Variants in SNTG1 observed in about 807,000 individuals in gnomAD.
SNTG1 encodes the protein gamma-1-syntrophin.
In SNTG1, 39 loss-of-function variants were observed where a neutral mutation model predicts 74.7. That is an observed-to-expected ratio of 0.52 (90% confidence interval 0.40 to 0.68). The LOEUF (loss-of-function observed/expected upper bound fraction) is 0.68, where lower values mean the gene tolerates loss of function less well. SNTG1 is among the 30% of genes least tolerant of loss of function. The pLI, the probability that SNTG1 is intolerant of heterozygous loss-of-function variation, is 0.00. For synonymous variants in SNTG1, 254 were observed against 217.1 expected, an observed-to-expected ratio of 1.17 and a Z score of -1.49; for missense variants, 685 against 609.5, an observed-to-expected ratio of 1.12 and a Z score of -1.30.
At chr8:50,509,909 T>A (rs977782635) in intron 9 of SNTG1, among the ~76,000 whole-genome samples, 1 of 152,166 alleles carries the variant, frequency 6.6e-6, no homozygotes, top group African/African-American at 2.4e-5. Flanking sequence ...ACCCTTTATT[T>A]CCTTCTCCTG....
intron 2 of SNTG1, among the ~76,000 whole-genome samples, chr8:50,319,689 A>G (rs1028132740): frequency 2.6e-5 from 4 of 152,206 alleles, no homozygotes; most frequent in African/African-American, 4.8e-5. Context: ...CCCATTCAGT[A>G]TGATACCATC....
intron 12 of SNTG1, among the ~76,000 whole-genome samples, chr8:50,574,865 T>C (rs1319807297): frequency 6.6e-6 from 1 of 152,232 alleles, no homozygotes; most frequent in African/African-American, 2.4e-5. Context: ...TTTATTCTCA[T>C]GAACCTAGCT....
chr8:50,384,509 A>G (rs2131252942), intron 2 of SNTG1, among the ~76,000 whole-genome samples: 1 of 152,298 alleles, frequency 6.6e-6, no homozygotes, highest in Admixed American at 6.5e-5. Context: ...GCCCAATACA[A>G]TAAACCTGCC....
chr8:50,758,574 T>C (rs898100940), intron 18 of SNTG1, among the ~76,000 whole-genome samples: 1 of 152,090 alleles, frequency 6.6e-6, no homozygotes, highest in African/African-American at 2.4e-5. Context: ...CATGTGGTGT[T>C]TGGTTTTCTG....
At chr8:50,282,577 A>G (rs1436224564) in intron 2 of SNTG1, among the ~76,000 whole-genome samples, 4 of 145,762 alleles carry the variant, frequency 2.7e-5, no homozygotes, top group Non-Finnish European at 4.5e-5. Flanking sequence ...TATTTCCTTA[A>G]AACTGTCTGC....
intron 2 of SNTG1, among the ~76,000 whole-genome samples, chr8:50,388,364 G>A (rs1180439903): frequency 2.6e-5 from 4 of 152,106 alleles, no homozygotes; most frequent in Non-Finnish European, 4.4e-5. Context: ...GTGATATTGT[G>A]TGTATCTCTA....
chr8:50,177,018 A>G (rs1323560745), intron 2 of SNTG1, among the ~76,000 whole-genome samples: 2 of 152,174 alleles, frequency 1.3e-5, no homozygotes, highest in African/African-American at 2.4e-5. Flanking sequence ...GCAGCCTCTC[A>G]GGACTAAAAG....
At chr8:50,066,772 C>T (rs1441629313) in intron 1 of SNTG1, among the ~76,000 whole-genome samples, 2 of 152,164 alleles carry the variant, frequency 1.3e-5, no homozygotes, top group Non-Finnish European at 2.9e-5. Flanking sequence ...CTTCATTTAT[C>T]TTCACAGACA....
At chr8:50,336,659 C>A (rs1304988680) in intron 2 of SNTG1, among the ~76,000 whole-genome samples, 1 of 152,166 alleles carries the variant, frequency 6.6e-6, no homozygotes, top group Non-Finnish European at 1.5e-5. Flanking sequence ...ATATGGTAAA[C>A]CCACACTATG....
intron 2 of SNTG1, among the ~76,000 whole-genome samples, chr8:50,240,943 G>A (rs770417599): frequency 4.6e-5 from 7 of 151,950 alleles, no homozygotes; most frequent in Admixed American, 2.6e-4. Flanking sequence ...CCCTAACAAC[G>A]AAGGGTGATA....
At chr8:50,160,622 A>G (rs1001663633) in intron 1 of SNTG1, among the ~76,000 whole-genome samples, 1 of 136,026 alleles carries the variant, frequency 7.4e-6, no homozygotes, top group Admixed American at 7.0e-5. Context: ...ATCCCTGAAT[A>G]ACAAGGCATG....
intron 2 of SNTG1, among the ~76,000 whole-genome samples, chr8:50,338,593 A>G (rs1489430933): frequency 6.6e-6 from 1 of 152,234 alleles, no homozygotes; most frequent in African/African-American, 2.4e-5. Context: ...GAAGATAACC[A>G]AAAGAAAATG....
At position 50,314,015 on chromosome 8, in the gene SNTG1, A is replaced by G. The variant is rs571999121; in HGVS notation, c.-27-80197A>G. On this transcript the variant is annotated intron_variant, in intron 2 of 18. Transcript: ENST00000642720. ...TACCCAATCTTATATATATCTTTTA[A>G]TTTTCCCCATGCTATCTTTTCAATC... Among the ~76,000 whole-genome samples the G allele has an allele frequency of 4.0e-5, 6 of 149,662 alleles. No individual in the cohort carries two copies. The East Asian group carries it at 1.2e-3, about 30-fold the overall frequency.
At chr8:50,580,443 A>C (rs370225935) in intron 12 of SNTG1, among the ~76,000 whole-genome samples, 9 of 152,170 alleles carry the variant, frequency 5.9e-5, no homozygotes, top group East Asian at 5.8e-4. Context: ...GGAAGACATG[A>C]TTTTGGGAGG....
intron 1 of SNTG1, among the ~76,000 whole-genome samples, chr8:50,089,933 T>C (rs1438514362): frequency 6.6e-6 from 1 of 152,182 alleles, no homozygotes; most frequent in Non-Finnish European, 1.5e-5. Context: ...CTATAAATCA[T>C]GCTGCTATAA....
At chr8:50,689,280 A>G (rs1299659120) in intron 15 of SNTG1, among the ~76,000 whole-genome samples, 16 of 152,112 alleles carry the variant, frequency 1.1e-4, no homozygotes, top group Admixed American at 1.0e-3. Context: ...AGAACTTCCA[A>G]CACTATGTTG....
intron 13 of SNTG1, among the ~76,000 whole-genome samples, chr8:50,612,303 A>C (rs745419325): frequency 6.6e-6 from 1 of 152,168 alleles, no homozygotes; most frequent in East Asian, 1.9e-4. Context: ...ACAGAAAAAA[A>C]GTATTTCATT....
intron 12 of SNTG1, among the ~76,000 whole-genome samples, chr8:50,557,120 G>T (rs1012285678): frequency 3.3e-5 from 5 of 151,824 alleles, no homozygotes; most frequent in African/African-American, 1.2e-4. Flanking sequence ...GGGCAAGGAG[G>T]CTGGGCCCAG....
chr8:50,468,125 T>TACA (rs2093624089), intron 8 of SNTG1, among the ~76,000 whole-genome samples: 1 of 152,022 alleles, frequency 6.6e-6, no homozygotes, highest in Non-Finnish European at 1.5e-5. Flanking sequence ...CTGTAAATGG[T>TACA]ATATTCTATA....
Sources: gnomAD v4.1 joint callset for allele counts (sites outside exome capture counted in the v4.1 genomes callset) on GRCh38, gnomAD v4.1.1 for gene constraint, MANE v1.5 for transcripts, NCBI Gene and HGNC (gene_info 2026-07-23, HGNC 2026-07-21) for gene names.